SLC35F4: variants seen among roughly 807,000 people sequenced by gnomAD.
SLC35F4 encodes the protein solute carrier family 35 member F4.
A neutral mutation model predicts 44.2 loss-of-function variants in SLC35F4; 24 were observed. The observed-to-expected ratio is 0.54, with a 90% CI of 0.39 to 0.76. The LOEUF is 0.76. SLC35F4 is among the 30% of genes least tolerant of loss of function. The probability of loss-of-function intolerance (pLI) is 0.00; values close to 1 mark genes in which losing one functional copy is unlikely to be tolerated. For missense variants in SLC35F4, 562 were observed against 586.1 expected, an observed-to-expected ratio of 0.96 and a Z score of 0.42; for synonymous variants, 238 against 223.6, an observed-to-expected ratio of 1.06 and a Z score of -0.57.
At chr14:57,854,344 G>C (rs1046825398) in intron 1 of SLC35F4, among the ~76,000 whole-genome samples, 1 of 151,854 alleles carries the variant, frequency 6.6e-6, no homozygotes. Context: ...TAACTCCAAA[G>C]ACTATGTAGA....
intron 1 of SLC35F4, among the ~76,000 whole-genome samples, chr14:57,712,443 A>G (rs2075837756): frequency 1.3e-5 from 2 of 152,202 alleles, no homozygotes; most frequent in Non-Finnish European, 1.5e-5. Context: ...TTGCATGTTT[A>G]TAAGAGCCAA....
At chr14:57,924,135 C>G (rs1013097812) in intron 1 of SLC35F4, among the ~76,000 whole-genome samples, 3 of 152,316 alleles carry the variant, frequency 2.0e-5, no homozygotes, top group African/African-American at 4.8e-5. Flanking sequence ...GCCTCACCAG[C>G]CATGTGGAAC....
intron 6 of SLC35F4, 137 bp from the exon 7 acceptor site, chr14:57,566,701 G>T: frequency 1.3e-6 from 1 of 786,756 alleles, no homozygotes; most frequent in Non-Finnish European, 2.1e-6. Flanking sequence ...TAATTTTGGA[G>T]ATGGATGCAT....
chr14:57,776,950 T>TA (rs2077504457), intron 1 of SLC35F4, among the ~76,000 whole-genome samples: 1 of 152,184 alleles, frequency 6.6e-6, no homozygotes, highest in Non-Finnish European at 1.5e-5. Context: ...AAAGAAGCAC[T>TA]AAATGTGGAA....
At chr14:57,877,581 T>C (rs982890812) in intron 1 of SLC35F4, among the ~76,000 whole-genome samples, 2 of 152,168 alleles carry the variant, frequency 1.3e-5, no homozygotes, top group African/African-American at 4.8e-5. Flanking sequence ...GCCAAACTGC[T>C]TTCAACAGTG....
intron 2 of SLC35F4, among the ~76,000 whole-genome samples, chr14:57,590,250 G>A (rs769766069): frequency 4.2e-5 from 6 of 142,970 alleles, no homozygotes; most frequent in South Asian, 2.3e-4. Context: ...AAAATTAGCC[G>A]TGGGAGGTGG....
intron 1 of SLC35F4, among the ~76,000 whole-genome samples, chr14:57,775,264 C>G (rs925956886): frequency 2.0e-5 from 3 of 152,252 alleles, no homozygotes; most frequent in Admixed American, 6.5e-5. Context: ...CCAGCACCCA[C>G]TAGCACCCTG....
chr14:57,582,649 A>C (rs2069370624), intron 3 of SLC35F4, among the ~76,000 whole-genome samples: 1 of 152,214 alleles, frequency 6.6e-6, no homozygotes, highest in African/African-American at 2.4e-5. Context: ...TCGATTGTTC[A>C]TGAACATTCA....
intron 1 of SLC35F4, among the ~76,000 whole-genome samples, chr14:57,883,654 A>G (rs1888589439): frequency 6.6e-6 from 1 of 152,214 alleles, no homozygotes; most frequent in African/African-American, 2.4e-5. Flanking sequence ...CTCTATTTTG[A>G]CTGAATTCCC....
intron 1 of SLC35F4, among the ~76,000 whole-genome samples, chr14:57,616,961 T>C (rs1013006322): frequency 1.3e-5 from 2 of 151,876 alleles, no homozygotes; most frequent in Admixed American, 6.6e-5. Flanking sequence ...CCACAGACAC[T>C]GCATTATACA....
intron 1 of SLC35F4, among the ~76,000 whole-genome samples, chr14:57,635,752 G>A (rs1306266404): frequency 6.6e-6 from 1 of 152,094 alleles, no homozygotes; most frequent in Non-Finnish European, 1.5e-5. Flanking sequence ...TATTTTCCAG[G>A]AATTACAAAT....
chr14:57,837,475 C>G (rs774715506), intron 1 of SLC35F4: 1 of 152,148 alleles, frequency 6.6e-6, no homozygotes, highest in African/African-American at 2.4e-5. Flanking sequence ...GACTCGCATG[C>G]CTTTGACCAA....
At chr14:57,716,667 T>C (rs2075953200) in intron 1 of SLC35F4, among the ~76,000 whole-genome samples, 1 of 152,222 alleles carries the variant, frequency 6.6e-6, no homozygotes. Flanking sequence ...ATACATGCAA[T>C]GTGTAATGAT....
intron 1 of SLC35F4, among the ~76,000 whole-genome samples, chr14:57,697,433 C>T (rs1015585422): frequency 6.6e-6 from 1 of 152,098 alleles, no homozygotes. Context: ...GGCACAGTTG[C>T]TCATGCTTGT....
chr14:57,612,187 G>T (rs1214888802), intron 1 of SLC35F4, among the ~76,000 whole-genome samples: 1 of 152,098 alleles, frequency 6.6e-6, no homozygotes, highest in East Asian at 1.9e-4. Context: ...GAAGTTGGAG[G>T]CTGCAGTAAG....
intron 1 of SLC35F4, among the ~76,000 whole-genome samples, chr14:57,637,160 C>A (rs1288220574): frequency 6.6e-6 from 1 of 152,098 alleles, no homozygotes; most frequent in African/African-American, 2.4e-5. Flanking sequence ...CTTAGAGTGG[C>A]CAAGTGACTT....
intron 1 of SLC35F4, among the ~76,000 whole-genome samples, chr14:57,662,670 T>C (rs2074176003): frequency 1.3e-5 from 2 of 152,182 alleles, no homozygotes; most frequent in African/African-American, 4.8e-5. Context: ...ACCTCTACCA[T>C]TTATAAATTA....
At chr14:57,770,538 A>G (rs2140677177) in intron 1 of SLC35F4, among the ~76,000 whole-genome samples, 1 of 152,300 alleles carries the variant, frequency 6.6e-6, no homozygotes, top group Non-Finnish European at 1.5e-5. Context: ...CATTGTGAGG[A>G]GTGGAAAAAA....
intron 1 of SLC35F4, among the ~76,000 whole-genome samples, chr14:57,873,149 C>G (rs1468986458): frequency 5.3e-5 from 8 of 152,158 alleles, no homozygotes; most frequent in Non-Finnish European, 1.2e-4. Context: ...TGATTCTCCC[C>G]TGTAATCCAT....
Sources: allele counts gnomAD v4.1 joint callset (sites outside exome capture counted in the v4.1 genomes callset), GRCh38; gene constraint gnomAD v4.1.1; transcripts MANE v1.5; gene names NCBI Gene and HGNC (gene_info 2026-07-23, HGNC 2026-07-21).